The following OSGEPL1 variants were observed in gnomAD, a reference collection of about 807,000 sequenced individuals.
OSGEPL1 encodes the protein O-sialoglycoprotein endopeptidase like 1, also known as tRNA N6-adenosine threonylcarbamoyltransferase, mitochondrial.
OSGEPL1 carries 26 observed loss-of-function variants against 37.2 expected under a neutral mutation model. That is an observed-to-expected ratio of 0.70 (90% CI 0.51 to 0.97). The LOEUF (loss-of-function observed/expected upper bound fraction) is 0.97. OSGEPL1 is among the 50% of genes least tolerant of loss of function. OSGEPL1 has a pLI of 0.00. For missense variants in OSGEPL1, 404 were observed against 487.0 expected, an observed-to-expected ratio of 0.83 and a Z score of 1.60; for synonymous variants, 140 against 159.9, an observed-to-expected ratio of 0.88 and a Z score of 0.94.
At chr2:189,751,984 A>T (rs1226008676) in intron 7 of OSGEPL1, among the ~76,000 whole-genome samples, 1 of 151,492 alleles carries the variant, frequency 6.6e-6, no homozygotes, top group Non-Finnish European at 1.5e-5. Context: ...AAAAACTAAA[A>T]ATACAAAAAA....
upstream of OSGEPL1, chr2:189,762,803 C>T: frequency 2.0e-6 from 2 of 985,558 alleles, no homozygotes; most frequent in Non-Finnish European, 2.4e-6. Flanking sequence ...GTCATCGGAA[C>T]TGTGCAAGGT....
intron 7 of OSGEPL1, among the ~76,000 whole-genome samples, chr2:189,752,001 G>C (rs370605229): frequency 6.6e-5 from 10 of 151,634 alleles, no homozygotes; most frequent in African/African-American, 1.9e-4. Flanking sequence ...AAAATGAGCT[G>C]GGCACAGCTG....
At chr2:189,760,011 C>G (rs1484853968) in intron 2 of OSGEPL1, among the ~76,000 whole-genome samples, 1 of 152,120 alleles carries the variant, frequency 6.6e-6, no homozygotes, top group African/African-American at 2.4e-5. Flanking sequence ...ACATCTTGCA[C>G]CGCCCTTAAT....
Position 189,746,806 on chromosome 2 carries a change from T to C in OSGEPL1, c.*391A>G. ...GGAATTTAGTGTCAGGTCAGAGTTATGGTTTCAAAAAATTAGGATTTCTGT... is the reference window on the plus strand; with the variant it reads ...GGAATTTAGTGTCAGGTCAGAGTTACGGTTTCAAAAAATTAGGATTTCTGT... On this transcript the variant is annotated 3_prime_UTR_variant, in exon 9 of 9. Coordinates refer to ENST00000264151, the MANE Select transcript of OSGEPL1 (RefSeq NM_022353.3). The C allele has an allele frequency of 4.5e-6, 3 of 660,196 alleles. No individual in the cohort carries two copies. The highest frequency in any genetic ancestry group is 3.7e-5 in the East Asian group (1 of 26,886). 40.9% of individuals were successfully genotyped at this position (660,196 alleles called of 1,614,324 possible).
chr2:189,747,640 T>C (rs1206391975), intron 8 of OSGEPL1, among the ~76,000 whole-genome samples: 1 of 152,180 alleles, frequency 6.6e-6, no homozygotes, highest in Non-Finnish European at 1.5e-5. Flanking sequence ...TAGCTGCAGA[T>C]AGATATGATA....
At chr2:189,763,044 G>T (rs2106124035), upstream of OSGEPL1, 2 of 985,136 alleles carry the variant, frequency 2.0e-6, no homozygotes, top group South Asian at 4.7e-5. Context: ...ACATTAAAAA[G>T]AAATTTTTTT....
intron 7 of OSGEPL1, among the ~76,000 whole-genome samples, chr2:189,752,071 G>A (rs908672957): frequency 1.4e-4 from 22 of 151,862 alleles, no homozygotes; most frequent in Non-Finnish European, 3.1e-4. Context: ...TTGAATATGG[G>A]AAGCAGAGGT....
At chr2:189,753,184 C>A (rs1229046083) in intron 5 of OSGEPL1, 5 of 342,410 alleles carry the variant, frequency 1.5e-5, no homozygotes, top group African/African-American at 8.5e-5. Flanking sequence ...ACATTACTAG[C>A]ATTTTTGTAT....
intron 1 of OSGEPL1, 182 bp downstream of exon 1, chr2:189,762,503 T>G: frequency 1.2e-6 from 1 of 814,462 alleles, no homozygotes; most frequent in Non-Finnish European, 1.5e-6. Flanking sequence ...TAACAAAATC[T>G]GGACAAGGAG....
chr2:189,763,100 G>T, upstream of OSGEPL1: 1 of 985,116 alleles, frequency 1.0e-6, no homozygotes, highest in African/African-American at 1.7e-5. Context: ...AAAAGGATGG[G>T]GTAGATTATT....
chr2:189,750,614 AG>A lies in OSGEPL1; in HGVS notation c.1208del (p.Ala403ValfsTer3), dbSNP rs2045019955. On this transcript the variant is annotated frameshift_variant, in exon 8 of 9. Coordinates refer to ENST00000264151, the MANE Select transcript of OSGEPL1 (RefSeq NM_022353.3). LOFTEE classifies it high-confidence loss of function. The part of the protein sequence containing the change: ...GVDISKEVGE[A>X]SIKVPQLKME... The stretch of plus-strand genomic sequence containing the variant: ...TTTTTAATTGTGGTACTTTTATGGA[AG>A]CTTCTCCAACTTCTTTTGATATGTC... 7 of 1,592,768 alleles carry A rather than the reference AG, an allele frequency of 4.4e-6. No homozygotes were observed. Among genetic ancestry groups the A allele is most frequent in the Non-Finnish European group, 6.0e-6 (7 of 1,168,810 alleles).
intron 3 of OSGEPL1, chr2:189,754,959 C>T: frequency 1.8e-6 from 1 of 565,330 alleles, no homozygotes; most frequent in Admixed American, 3.7e-5. Context: ...CCTTTATGTA[C>T]AGATATGAAC....
At chr2:189,754,956 G>T in intron 3 of OSGEPL1, 1 of 561,596 alleles carries the variant, frequency 1.8e-6, no homozygotes, top group Non-Finnish European at 3.0e-6. Flanking sequence ...CAGCCTTTAT[G>T]TACAGATATG....
chr2:189,762,999 C>T, upstream of OSGEPL1: 4 of 985,326 alleles, frequency 4.1e-6, no homozygotes, highest in Non-Finnish European at 4.8e-6. Flanking sequence ...ACAGGTTTGT[C>T]TGACTACACA....
chr2:189,754,501 A>G, intron 3 of OSGEPL1, 156 bp from the exon 4 acceptor site: 1 of 664,378 alleles, frequency 1.5e-6, no homozygotes, highest in Non-Finnish European at 2.5e-6. Context: ...GCTGATATTC[A>G]GGTAAGCAGA....
intron 5 of OSGEPL1, among the ~76,000 whole-genome samples, chr2:189,753,473 A>G (rs1559165283): frequency 6.6e-6 from 1 of 152,144 alleles, no homozygotes; most frequent in Non-Finnish European, 1.5e-5. Flanking sequence ...TGGCTGGTAC[A>G]ATATAGTGGA....
At chr2:189,757,658 T>C (rs944418572) in intron 2 of OSGEPL1, among the ~76,000 whole-genome samples, 4 of 152,238 alleles carry the variant, frequency 2.6e-5, no homozygotes, top group Non-Finnish European at 4.4e-5. Flanking sequence ...GCCTAGTAAA[T>C]GGCTGAACCA....
rs746312263 is a variant in OSGEPL1 at position 189,746,667 on chromosome 2, T to A, written c.*530A>T. ...ATGAAAGGATTCCTGAGCCATCTTT[T>A]AAAAATTTTTTTATTTTTAATAATG... On this transcript the variant is annotated 3_prime_UTR_variant, in exon 9 of 9. Coordinates refer to ENST00000264151, the MANE Select transcript of OSGEPL1 (RefSeq NM_022353.3). 1.9e-5 allele frequency: 29 copies of A among 1,534,414 alleles called. No homozygotes were observed. Among genetic ancestry groups the A allele is most frequent in the African/African-American group, 5.6e-5 (4 of 71,144 alleles).
chr2:189,754,395 C>T (rs369623393), intron 3 of OSGEPL1, 50 bp from the exon 4 acceptor site: 162 of 1,461,890 alleles, frequency 1.1e-4, no homozygotes, highest in Admixed American at 1.7e-4. Context: ...TACTGTGAAA[C>T]GAAAAGATGC....
Sources: allele counts gnomAD v4.1 joint callset (sites outside exome capture counted in the v4.1 genomes callset), GRCh38; gene constraint gnomAD v4.1.1; transcripts MANE v1.5; gene names NCBI Gene and HGNC (gene_info 2026-07-23, HGNC 2026-07-21).